RERE: variants seen among roughly 807,000 people sequenced by gnomAD.
RERE encodes the protein arginine-glutamic acid dipeptide repeats.
Under a neutral mutation model 146.1 loss-of-function variants are expected in RERE, and 40 were observed. The ratio of observed to expected loss-of-function variants is 0.27; its 90% CI spans 0.21 to 0.36. The LOEUF (loss-of-function observed/expected upper bound fraction) is 0.36. Among genes scored for constraint, RERE ranks in the 10% least tolerant of loss-of-function variants. The probability of loss-of-function intolerance (pLI) is 1.00; values close to 1 mark genes in which losing one functional copy is unlikely to be tolerated. For synonymous variants in RERE, 1,003 were observed against 866.0 expected, an observed-to-expected ratio of 1.16 and a Z score of -2.78; for missense variants, 1,933 against 2,138.7, an observed-to-expected ratio of 0.90 and a Z score of 1.90.
chr1:8,776,747 G>C (rs1641070530), intron 1 of RERE, among the ~76,000 whole-genome samples: 1 of 151,590 alleles, frequency 6.6e-6, no homozygotes, highest in Admixed American at 6.6e-5. Flanking sequence ...TTGAGGCAGG[G>C]TGTCACTGTC....
intron 11 of RERE, among the ~76,000 whole-genome samples, chr1:8,458,824 G>T (rs1394670569): frequency 1.3e-5 from 2 of 152,338 alleles, no homozygotes; most frequent in East Asian, 3.9e-4. Flanking sequence ...AAAGGTCACA[G>T]CTGAATCTGT....
intron 4 of RERE, among the ~76,000 whole-genome samples, chr1:8,613,495 G>C (rs1243642393): frequency 7.2e-5 from 11 of 152,128 alleles, no homozygotes; most frequent in Admixed American, 5.2e-4. Context: ...AACATACCCA[G>C]CTCCTCAAAA....
chr1:8,374,341 T>G (rs1642156846), intron 12 of RERE, among the ~76,000 whole-genome samples: 1 of 151,920 alleles, frequency 6.6e-6, no homozygotes, highest in Non-Finnish European at 1.5e-5. Flanking sequence ...CACCTTTTTA[T>G]AACATTTTAA....
intron 1 of RERE, among the ~76,000 whole-genome samples, chr1:8,795,488 A>G (rs1003049297): frequency 2.0e-5 from 3 of 152,072 alleles, no homozygotes; most frequent in Admixed American, 2.0e-4. Flanking sequence ...AGGTATTTCC[A>G]TATCTATTTG....
At chr1:8,744,837 T>C (rs1027303112) in intron 1 of RERE, among the ~76,000 whole-genome samples, 1 of 152,334 alleles carries the variant, frequency 6.6e-6, no homozygotes, top group South Asian at 2.1e-4. Flanking sequence ...TACAGGATAA[T>C]GGAGACAAAT....
At chr1:8,497,606 G>A in intron 8 of RERE, 77 bp from the exon 9 acceptor site, 1 of 1,492,654 alleles carries the variant, frequency 6.7e-7, no homozygotes, top group South Asian at 1.2e-5. Flanking sequence ...GCAGTCTTTA[G>A]GAACATATAC....
chr1:8,707,566 C>T (rs891225296), intron 1 of RERE, among the ~76,000 whole-genome samples: 12 of 152,134 alleles, frequency 7.9e-5, no homozygotes, highest in African/African-American at 2.7e-4. Flanking sequence ...AACAGTAGCA[C>T]TCATTTAATA....
chr1:8,522,460 T>A (rs1221238658), intron 7 of RERE, among the ~76,000 whole-genome samples: 1 of 152,112 alleles, frequency 6.6e-6, no homozygotes, highest in Non-Finnish European at 1.5e-5. Flanking sequence ...AGGAAAAGAA[T>A]CAGGAAAAAA....
chr1:8,781,052 T>C (rs1641155081), intron 1 of RERE, among the ~76,000 whole-genome samples: 1 of 150,954 alleles, frequency 6.6e-6, no homozygotes, highest in Middle Eastern at 3.2e-3. Context: ...GGAGACCTTG[T>C]CTGTACAAAA....
chr1:8,531,846 A>G (rs1326829905), intron 7 of RERE, among the ~76,000 whole-genome samples: 2 of 152,274 alleles, frequency 1.3e-5, no homozygotes, highest in Non-Finnish European at 2.9e-5. Context: ...ATGAATGAAT[A>G]AGGTCTAGTA....
chr1:8,735,839 G>A (rs1353271375), intron 1 of RERE, among the ~76,000 whole-genome samples: 1 of 151,484 alleles, frequency 6.6e-6, no homozygotes, highest in Non-Finnish European at 1.5e-5. Context: ...AGCTCCCTGA[G>A]GCCTCCCCAG....
At chr1:8,772,056 T>C (rs1640964294) in intron 1 of RERE, among the ~76,000 whole-genome samples, 1 of 152,154 alleles carries the variant, frequency 6.6e-6, no homozygotes, top group Non-Finnish European at 1.5e-5. Flanking sequence ...ATATGTAATA[T>C]CTATATACCC....
At chr1:8,413,435 T>C (rs2124459758) in intron 12 of RERE, among the ~76,000 whole-genome samples, 1 of 152,258 alleles carries the variant, frequency 6.6e-6, no homozygotes, top group South Asian at 2.1e-4. Flanking sequence ...CTCGACCTCC[T>C]GGGCTCAAGT....
intron 1 of RERE, among the ~76,000 whole-genome samples, chr1:8,811,721 T>C (rs1041074457): frequency 1.3e-5 from 2 of 152,208 alleles, no homozygotes; most frequent in African/African-American, 2.4e-5. Flanking sequence ...TGGGTTTTTG[T>C]AGGAGGAGCT....
intron 7 of RERE, among the ~76,000 whole-genome samples, chr1:8,521,613 G>C (rs1488804032): frequency 6.6e-6 from 1 of 152,142 alleles, no homozygotes; most frequent in Non-Finnish European, 1.5e-5. Flanking sequence ...GCACTTCCAA[G>C]TTGTTTTCAT....
intron 1 of RERE, among the ~76,000 whole-genome samples, chr1:8,763,311 C>T (rs185488314): frequency 1.3e-5 from 2 of 152,174 alleles, no homozygotes; most frequent in Admixed American, 6.5e-5. Context: ...AATCTACTCC[C>T]ATAATCAAGA....
rs372107019 is a variant in RERE, at chr1:8,725,254, T to C, written c.-144-68813A>G. Among the ~76,000 whole-genome samples the C allele has an allele frequency of 2.6e-5, 4 of 152,288 alleles. No individual in the cohort carries two copies. In the East Asian group the frequency reaches 5.8e-4, roughly 22 times the overall value. On this transcript the variant is annotated intron_variant, in intron 1 of 22. Coordinates refer to ENST00000400908, the MANE Select transcript of RERE (RefSeq NM_001042681.2). ...TCCTGATTTATTTCCAAAGGAAAAA[T>C]AGTTGTAACTACGTCAAAATAACTA...
chr1:8,802,130 C>T (rs890893226), intron 1 of RERE, among the ~76,000 whole-genome samples: 1 of 152,150 alleles, frequency 6.6e-6, no homozygotes, highest in Non-Finnish European at 1.5e-5. Flanking sequence ...ATGAAGCTAT[C>T]AAATAAAGTC....
intron 1 of RERE, among the ~76,000 whole-genome samples, chr1:8,677,601 G>A (rs1488054103): frequency 6.6e-6 from 1 of 152,062 alleles, no homozygotes; most frequent in Non-Finnish European, 1.5e-5. Context: ...TAATTCATAT[G>A]TTTCATGTAC....
Sources: allele counts gnomAD v4.1 joint callset (sites outside exome capture counted in the v4.1 genomes callset), GRCh38; gene constraint gnomAD v4.1.1; transcripts MANE v1.5; gene names NCBI Gene and HGNC (gene_info 2026-07-23, HGNC 2026-07-21).